The following MDFIC2 variants were observed in gnomAD, a reference collection of about 807,000 sequenced individuals.
MDFIC2 encodes myoD family inhibitor domain-containing protein 2.
chr3:70,228,505 C>G (rs1431477500), intron 2 of MDFIC2, among the ~76,000 whole-genome samples: 1 of 151,748 alleles, frequency 6.6e-6, no homozygotes, highest in Non-Finnish European at 1.5e-5. Context: ...GGAGAAGGAC[C>G]CCTGTTATAG....
chr3:70,312,289 A>G (rs1487740714), intron 1 of MDFIC2, among the ~76,000 whole-genome samples: 2 of 152,250 alleles, frequency 1.3e-5, no homozygotes, highest in African/African-American at 4.8e-5. Context: ...ACAAACATTC[A>G]GTAGCTGTTT....
At chr3:70,238,971 A>G (rs1701639067) in intron 2 of MDFIC2, among the ~76,000 whole-genome samples, 2 of 152,182 alleles carry the variant, frequency 1.3e-5, no homozygotes, top group African/African-American at 4.8e-5. Context: ...TCTGCTTTCT[A>G]ACTCCTAAAA....
intron 2 of MDFIC2, among the ~76,000 whole-genome samples, chr3:70,277,670 G>A (rs1176297319): frequency 2.0e-5 from 3 of 152,148 alleles, no homozygotes; most frequent in African/African-American, 7.2e-5. Flanking sequence ...CGAGTATGGG[G>A]AGGATCTCAC....
At chr3:70,216,213 A>G (rs949023359) in intron 2 of MDFIC2, among the ~76,000 whole-genome samples, 4 of 150,556 alleles carry the variant, frequency 2.7e-5, no homozygotes, top group South Asian at 4.2e-4. Flanking sequence ...ATTCTACTTT[A>G]TATATAAATC....
chr3:70,227,292 A>G (rs1428563855), intron 2 of MDFIC2, among the ~76,000 whole-genome samples: 3 of 152,212 alleles, frequency 2.0e-5, no homozygotes, highest in African/African-American at 4.8e-5. Flanking sequence ...TCCTCCTTAT[A>G]CTATATTTTC....
chr3:70,248,805 G>A (rs1054334859), intron 2 of MDFIC2, among the ~76,000 whole-genome samples: 1 of 152,118 alleles, frequency 6.6e-6, no homozygotes, highest in Admixed American at 6.6e-5. Flanking sequence ...ATAGTATTGA[G>A]TAGGCTACCA....
At chr3:70,280,167 C>T (rs567621898) in intron 2 of MDFIC2, among the ~76,000 whole-genome samples, 28 of 152,060 alleles carry the variant, frequency 1.8e-4, no homozygotes, top group Non-Finnish European at 4.0e-4. Context: ...TGCTGCACTC[C>T]AATCTCTGTC....
At position 70,279,625 on chromosome 3, in the gene MDFIC2, T is replaced by G. The variant is rs538212515; in HGVS notation, c.88+32261A>C. 7.2e-5 allele frequency among the ~76,000 whole-genome samples: 11 copies of G among 152,306 alleles called. No homozygotes were observed. In the South Asian group the frequency reaches 2.3e-3, roughly 32 times the overall value. On this transcript the variant is annotated intron_variant, in intron 2 of 3. Coordinates refer to ENST00000567252, the MANE Select transcript of MDFIC2 (RefSeq NM_001364677.1). ...TTGAAGGCTCAGATTTGCGTTGCTC[T>G]CTTGCGCTACATGCTGAGTCCTATT...
chr3:70,206,723 T>C lies in MDFIC2; in HGVS notation c.156A>G (p.Val52=). Residue 52 remains valine, a synonymous_variant, in exon 3 of 4, where the codon GTA becomes GTG. Transcript: ENST00000567252. ...KPINAIVINS[V]SDFNITDGPA... Reference sequence around the variant, plus strand: ...GTCCATCTGTGATATTGAAGTCAGATACTGAATTTATAACAATAGCATTAA... The same window carrying C: ...GTCCATCTGTGATATTGAAGTCAGACACTGAATTTATAACAATAGCATTAA... The C allele has an allele frequency of 7.5e-6, 3 of 397,852 alleles. No homozygotes were observed. The highest frequency in any genetic ancestry group is 1.3e-5 in the Non-Finnish European group (3 of 225,534). The allele number at this position is 397,852 out of a possible 1,614,324, so 24.6% of individuals were successfully genotyped here.
intron 3 of MDFIC2, among the ~76,000 whole-genome samples, chr3:70,197,868 C>T (rs979881672): frequency 3.4e-5 from 5 of 147,848 alleles, no homozygotes; most frequent in Non-Finnish European, 7.4e-5. Context: ...TCTTATCAAT[C>T]CTCTTTAAGA....
chr3:70,249,532 C>T (rs1243887403), intron 2 of MDFIC2: 1 of 152,128 alleles, frequency 6.6e-6, no homozygotes. Flanking sequence ...TTTCCCCTCT[C>T]TCTTTTATGC....
chr3:70,227,768 C>T (rs1701522019), intron 2 of MDFIC2, among the ~76,000 whole-genome samples: 1 of 152,078 alleles, frequency 6.6e-6, no homozygotes, highest in African/African-American at 2.4e-5. Context: ...GCACTACTAC[C>T]CTCCATGTTT....
intron 2 of MDFIC2, among the ~76,000 whole-genome samples, chr3:70,254,519 T>C (rs1170823356): frequency 1.3e-5 from 2 of 152,200 alleles, no homozygotes; most frequent in African/African-American, 2.4e-5. Context: ...AAATTAGTTT[T>C]CACTTAGAGA....
intron 2 of MDFIC2, among the ~76,000 whole-genome samples, chr3:70,269,330 G>T (rs1299007505): frequency 2.0e-5 from 3 of 152,120 alleles, no homozygotes; most frequent in Non-Finnish European, 4.4e-5. Context: ...CGAGCTAAAG[G>T]TTTCTATGAA....
intron 2 of MDFIC2, among the ~76,000 whole-genome samples, chr3:70,306,741 C>T (rs1702404769): frequency 6.6e-6 from 1 of 152,024 alleles, no homozygotes; most frequent in African/African-American, 2.4e-5. Context: ...TTTGTTTTTC[C>T]CCTATTGGTG....
rs563278783 is a variant in MDFIC2, at chr3:70,300,094, T to C, written c.88+11792A>G. 1.5e-3 allele frequency among the ~76,000 whole-genome samples: 235 copies of C among 152,254 alleles called. 1 individual carries two copies. Among genetic ancestry groups the C allele is most frequent in the Non-Finnish European group, 2.9e-3 (196 of 68,002 alleles). The stretch of plus-strand genomic sequence containing the variant: ...CAGCCAAATTCCCCATTTTTCAGAA[T>C]TCTAGATGTGCTGCTTCCTACCTCT... On this transcript the variant is annotated intron_variant, in intron 2 of 3. Transcript: ENST00000567252.
chr3:70,261,981 G>C (rs1282353385), intron 2 of MDFIC2, among the ~76,000 whole-genome samples: 1 of 152,078 alleles, frequency 6.6e-6, no homozygotes, highest in East Asian at 1.9e-4. Context: ...ATACCAACCT[G>C]TCCTTCCTTA....
At chr3:70,309,517 T>A (rs1702436848) in intron 2 of MDFIC2, among the ~76,000 whole-genome samples, 1 of 152,148 alleles carries the variant, frequency 6.6e-6, no homozygotes, top group Non-Finnish European at 1.5e-5. Flanking sequence ...GCTAGGAAAT[T>A]GAGGCTCAGG....
chr3:70,288,101 C>G (rs1702187608), intron 2 of MDFIC2, among the ~76,000 whole-genome samples: 1 of 148,140 alleles, frequency 6.8e-6, no homozygotes, highest in South Asian at 2.2e-4. Flanking sequence ...CTTCTGCTAG[C>G]TTTTGAATGT....
Sources: gnomAD v4.1 joint callset for allele counts (sites outside exome capture counted in the v4.1 genomes callset) on GRCh38, gnomAD v4.1.1 for gene constraint, MANE v1.5 for transcripts, NCBI Gene and HGNC (gene_info 2026-07-23, HGNC 2026-07-21) for gene names.